RHOBTB3: variants seen among roughly 807,000 people sequenced by gnomAD.
The protein encoded by RHOBTB3 is rho-related BTB domain-containing protein 3.
A neutral mutation model predicts 67.2 loss-of-function variants in RHOBTB3; 47 were observed. The observed-to-expected ratio is 0.70, with a 90% confidence interval of 0.55 to 0.89. The LOEUF (loss-of-function observed/expected upper bound fraction) is 0.89. Among genes scored for constraint, RHOBTB3 ranks in the 40% least tolerant of loss-of-function variants. RHOBTB3 has a pLI of 0.00. For missense variants in RHOBTB3, 631 were observed against 750.0 expected (o/e 0.84, Z 1.85); for synonymous variants, 273 against 274.2 (o/e 1.00, Z 0.04).
chr5:95,791,242 C>T (rs1746377613), intron 11 of RHOBTB3, among the ~76,000 whole-genome samples: 1 of 152,116 alleles, frequency 6.6e-6, no homozygotes, highest in African/African-American at 2.4e-5. Context: ...GATGTCATGT[C>T]AGTACAGGCA....
chr5:95,757,656 G>T (rs942588589), intron 6 of RHOBTB3, among the ~76,000 whole-genome samples: 2 of 152,214 alleles, frequency 1.3e-5, no homozygotes, highest in Non-Finnish European at 2.9e-5. Flanking sequence ...AAGTACAGTT[G>T]CAGCACGCAG....
At chr5:95,746,925 G>A (rs946544663) in intron 3 of RHOBTB3, among the ~76,000 whole-genome samples, 2 of 152,144 alleles carry the variant, frequency 1.3e-5, no homozygotes, top group African/African-American at 2.4e-5. Context: ...TATATTTAGC[G>A]TATACCCGAT....
chr5:95,753,173 C>T (rs991521609), intron 5 of RHOBTB3, among the ~76,000 whole-genome samples: 3 of 151,244 alleles, frequency 2.0e-5, no homozygotes, highest in African/African-American at 7.3e-5. Flanking sequence ...GCCAAAGGAT[C>T]CTGATATCTG....
At chr5:95,769,194 G>A in intron 8 of RHOBTB3, 1 of 344,186 alleles carries the variant, frequency 2.9e-6, no homozygotes, top group Non-Finnish European at 5.8e-6. Flanking sequence ...AATGAAGCTA[G>A]GGAAGTCCCA....
chr5:95,730,084 T>TAA (rs397738577), upstream of RHOBTB3, among the ~76,000 whole-genome samples: 9 of 145,958 alleles, frequency 6.2e-5, no homozygotes, highest in Non-Finnish European at 9.1e-5. Flanking sequence ...GAAATTAGAT[T>TAA]AAAAAAAAAA....
intron 1 of RHOBTB3, among the ~76,000 whole-genome samples, chr5:95,724,952 C>G (rs568714851): frequency 6.6e-6 from 1 of 151,894 alleles, no homozygotes; most frequent in South Asian, 2.1e-4. Context: ...ACTTGGGAGG[C>G]TGAGGTGAGA....
chr5:95,742,199 G>T (rs1388612710), intron 3 of RHOBTB3, among the ~76,000 whole-genome samples: 3 of 152,118 alleles, frequency 2.0e-5, no homozygotes, highest in Non-Finnish European at 2.9e-5. Context: ...TTACTTCTGC[G>T]CCCTTTAATT....
chr5:95,788,869 A>G lies in RHOBTB3; in HGVS notation c.1720+11A>G, dbSNP rs956251675. On this transcript the variant is annotated intron_variant, in intron 11 of 11. Transcript: ENST00000379982. ...TTCAGGATCTTTCAGGTAGATTGCT[A>G]ATTTCTGTTTTGAAAAGAAAACTTT... 4.7e-6 allele frequency: 7 copies of G among 1,476,034 alleles called. No homozygotes were observed. The highest frequency in any genetic ancestry group is 6.4e-6 in the Non-Finnish European group (7 of 1,097,986). The allele number at this position is 1,476,034 out of a possible 1,614,324, so 91.4% of individuals were successfully genotyped here. A position where few individuals can be genotyped will look rare whatever the true frequency, so the allele number is the denominator to read the frequency against.
intron 2 of RHOBTB3, among the ~76,000 whole-genome samples, chr5:95,734,667 C>A (rs1039773996): frequency 2.0e-5 from 3 of 152,028 alleles, no homozygotes; most frequent in Admixed American, 2.0e-4. Context: ...TGGTGTGGTA[C>A]ATTATTATTT....
At chr5:95,774,251 A>G (rs1259257415) in intron 8 of RHOBTB3, among the ~76,000 whole-genome samples, 1 of 152,222 alleles carries the variant, frequency 6.6e-6, no homozygotes, top group Non-Finnish European at 1.5e-5. Context: ...AAAAAATAAA[A>G]AATAAAAATC....
Position 95,788,779 on chromosome 5 carries a change from C to A in RHOBTB3, c.1641C>A (p.Cys547Ter). ...TCTTGCAGTTTCACCACTCTGATTG[C>A]CTTTCAACCTGGCTACTTCATTTCA... is the stretch of plus-strand genomic sequence containing the variant. ...LKKAKFHHSD[C>*]LSTWLLHFIA... The change falls in exon 11 of 12, where the codon TGC (cysteine) becomes TGA (stop). Residue 547 changes from cysteine (C) to a stop codon, truncating the protein, a stop_gained. Transcript: ENST00000379982. LOFTEE classifies it high-confidence loss of function. The A allele has an allele frequency of 6.3e-7, 1 of 1,588,572 alleles. No homozygotes were observed. The highest frequency in any genetic ancestry group is 8.5e-7 in the Non-Finnish European group (1 of 1,170,048).
intron 9 of RHOBTB3, chr5:95,783,561 CAA>C (rs201633409): frequency 2.3e-3 from 247 of 107,580 alleles, no homozygotes; most frequent in South Asian, 6.6e-3. Flanking sequence ...CCTGTCTCTA[CAA>C]AAAAAAAAAA....
intron 6 of RHOBTB3, among the ~76,000 whole-genome samples, chr5:95,762,929 A>G (rs543895924): frequency 6.6e-6 from 1 of 152,304 alleles, no homozygotes; most frequent in South Asian, 2.1e-4. Flanking sequence ...TGGGCTAGGG[A>G]AAGGCAAAGG....
chr5:95,736,143 G>T (rs1253503947), intron 2 of RHOBTB3, among the ~76,000 whole-genome samples: 3 of 152,006 alleles, frequency 2.0e-5, no homozygotes, highest in Admixed American at 6.6e-5. Flanking sequence ...ATTACTTACT[G>T]GCCCCAGTTC....
chr5:95,783,132 AT>A (rs1242513089), intron 9 of RHOBTB3, among the ~76,000 whole-genome samples: 1 of 146,198 alleles, frequency 6.8e-6, no homozygotes, highest in Non-Finnish European at 1.5e-5. Flanking sequence ...TTTTATTTTT[AT>A]TTTTTTGAGA....
chr5:95,755,312 C>A, intron 5 of RHOBTB3, 84 bp from the exon 6 acceptor site: 1 of 967,002 alleles, frequency 1.0e-6, no homozygotes, highest in Non-Finnish European at 1.4e-6. Flanking sequence ...AAATATTATA[C>A]AATTATATTT....
At chr5:95,768,833 T>C (rs1745623170) in intron 8 of RHOBTB3, among the ~76,000 whole-genome samples, 1 of 152,184 alleles carries the variant, frequency 6.6e-6, no homozygotes, top group Admixed American at 6.5e-5. Flanking sequence ...CTTTAGTAGA[T>C]TAAGATCTAA....
At chr5:95,739,246 TAAGAAGC>T (rs1263593918) in intron 3 of RHOBTB3, among the ~76,000 whole-genome samples, 2 of 152,238 alleles carry the variant, frequency 1.3e-5, no homozygotes, top group Non-Finnish European at 2.9e-5. Context: ...TCCAGTTGAT[TAAGAAGC>T]CCTTTTGCTT....
At chr5:95,725,404 T>C (rs1755024808) in intron 1 of RHOBTB3, among the ~76,000 whole-genome samples, 2 of 152,210 alleles carry the variant, frequency 1.3e-5, no homozygotes, top group Non-Finnish European at 1.5e-5. Flanking sequence ...GAAAAATGAA[T>C]AATCATTACA....
Sources: allele counts gnomAD v4.1 joint callset (sites outside exome capture counted in the v4.1 genomes callset), GRCh38; gene constraint gnomAD v4.1.1; transcripts MANE v1.5; gene names NCBI Gene and HGNC (gene_info 2026-07-23, HGNC 2026-07-21).